HADH: variants seen among roughly 807,000 people sequenced by gnomAD.
The protein encoded by HADH is hydroxyacyl-coenzyme A dehydrogenase, mitochondrial.
HADH carries 24 observed loss-of-function variants against 32.2 expected under a neutral mutation model. The ratio of observed to expected loss-of-function variants is 0.75; its 90% CI spans 0.54 to 1.05. HADH has a LOEUF of 1.05. HADH is among the 50% of genes least tolerant of loss of function. The pLI, the probability that HADH is intolerant of heterozygous loss-of-function variation, is 0.00. For synonymous variants in HADH, 139 were observed against 152.5 expected, an observed-to-expected ratio of 0.91 and a Z score of 0.65; for missense variants, 350 against 397.1, an observed-to-expected ratio of 0.88 and a Z score of 1.01.
At chr4:108,019,493 AAAG>A in intron 3 of HADH, 44 bp from the exon 4 acceptor site, 1 of 1,584,434 alleles carries the variant, frequency 6.3e-7, no homozygotes, top group Non-Finnish European at 8.7e-7. Context: ...TGCTGTTTTG[AAAG>A]AAGAGATTCA....
At chr4:108,023,843 C>G (rs1735975606) in intron 5 of HADH, 3 of 387,952 alleles carry the variant, frequency 7.7e-6, no homozygotes, top group Non-Finnish European at 1.5e-5. Flanking sequence ...GCTCTCTGTC[C>G]TGGCTTTTGT....
chr4:108,029,409 A>G (rs2126238655), intron 6 of HADH: 1 of 152,762 alleles, frequency 6.5e-6, no homozygotes, highest in South Asian at 2.1e-4. Flanking sequence ...GTAGCAGAGT[A>G]ATTCACGCTA....
At chr4:108,031,387 A>G (rs2126240527) in intron 6 of HADH, 1 of 152,396 alleles carries the variant, frequency 6.6e-6, no homozygotes, top group South Asian at 2.1e-4. Flanking sequence ...AGCATATCCC[A>G]AGCCTGAGGA....
chr4:107,997,212 G>A (rs1734982081), intron 1 of HADH, among the ~76,000 whole-genome samples: 1 of 152,198 alleles, frequency 6.6e-6, no homozygotes, highest in Non-Finnish European at 1.5e-5. Flanking sequence ...CTGGGGATCT[G>A]AAGAAAGTCA....
At chr4:107,994,134 G>C (rs1017628778) in intron 1 of HADH, among the ~76,000 whole-genome samples, 3 of 152,106 alleles carry the variant, frequency 2.0e-5, no homozygotes, top group African/African-American at 7.2e-5. Context: ...CATGCTCTCC[G>C]GGTGCAACCT....
intron 1 of HADH, chr4:108,004,614 C>T (rs768465189): frequency 2.0e-6 from 3 of 1,480,132 alleles, no homozygotes; most frequent in Non-Finnish European, 2.7e-6. Context: ...AGATTTTATT[C>T]AGGAGGAGTA....
In HADH at chr4:108,020,510, C is replaced by CGA. The variant is rs549621971; in HGVS notation, c.546+844_546+845insGA. Among the ~76,000 whole-genome samples the CGA allele has an allele frequency of 7.2e-3, 1,102 of 152,230 alleles. 10 individuals carry two copies. Among genetic ancestry groups the CGA allele is most frequent in the Non-Finnish European group, 0.013 (912 of 68,000 alleles). On this transcript the variant is annotated intron_variant, in intron 4 of 7. Coordinates refer to ENST00000309522, the MANE Select transcript of HADH (RefSeq NM_005327.7). The stretch of plus-strand genomic sequence containing the variant: ...AAAAGTAAAAAAATAAAACCAGCTT[C>CGA]TGATAGCCTTGAGCCTCCTGACCAT...
chr4:108,001,108 A>T (rs115135211), intron 1 of HADH, among the ~76,000 whole-genome samples: 1,704 of 152,298 alleles, frequency 0.011, 17 homozygotes, highest in Non-Finnish European at 0.015. Flanking sequence ...CTTCATGGAG[A>T]GGGTAGCATT....
At chr4:108,003,105 CTT>C (rs11390276) in intron 1 of HADH, among the ~76,000 whole-genome samples, 9 of 124,180 alleles carry the variant, frequency 7.2e-5, no homozygotes, top group Admixed American at 1.7e-4. Flanking sequence ...GTGTCTTAGT[CTT>C]TTTTTTTTTT....
chr4:107,994,224 C>A (rs994947501), intron 1 of HADH, among the ~76,000 whole-genome samples: 11 of 151,984 alleles, frequency 7.2e-5, no homozygotes, highest in African/African-American at 2.7e-4. Context: ...TTCTTCTCTC[C>A]CAAAGCTTGC....
intron 6 of HADH, 61 bp from the exon 7 acceptor site, chr4:108,033,115 C>G (rs1736333358): frequency 1.2e-6 from 1 of 839,698 alleles, no homozygotes; most frequent in African/African-American, 1.7e-5. Context: ...GGGGCTAATC[C>G]TGTGATAGGG....
At chr4:108,021,932 C>T (rs957190628) in intron 4 of HADH, among the ~76,000 whole-genome samples, 13 of 152,106 alleles carry the variant, frequency 8.5e-5, no homozygotes, top group South Asian at 6.2e-4. Context: ...TGTGATCACA[C>T]GAAAACAGGA....
chr4:107,991,165 T>A (rs866420396), intron 1 of HADH, among the ~76,000 whole-genome samples: 8 of 152,292 alleles, frequency 5.3e-5, no homozygotes, highest in South Asian at 2.1e-4. Flanking sequence ...CTTTTTTTTT[T>A]TAAAAATTAT....
At chr4:107,996,887 C>T (rs1477562581) in intron 1 of HADH, among the ~76,000 whole-genome samples, 3 of 142,104 alleles carry the variant, frequency 2.1e-5, no homozygotes, top group African/African-American at 8.8e-5. Context: ...GAGCAAGACT[C>T]CTTCTCAAAA....
At chr4:107,994,159 T>C (rs1464724347) in intron 1 of HADH, among the ~76,000 whole-genome samples, 2 of 152,134 alleles carry the variant, frequency 1.3e-5, no homozygotes, top group Non-Finnish European at 2.9e-5. Context: ...TTTAGTGCAC[T>C]ACTCTTCTTT....
At chr4:108,009,613 A>T in intron 1 of HADH, 146 bp from the exon 2 acceptor site, 1 of 712,480 alleles carries the variant, frequency 1.4e-6, no homozygotes, top group Non-Finnish European at 2.5e-6. Flanking sequence ...ATGTTGACTT[A>T]TCATATGTTC....
intron 4 of HADH, among the ~76,000 whole-genome samples, chr4:108,022,994 CTT>C (rs11335135): frequency 1.8e-3 from 213 of 118,278 alleles, no homozygotes; most frequent in Middle Eastern, 4.5e-3. Flanking sequence ...ACACTGTTGT[CTT>C]TTTTTTTTTT....
intron 1 of HADH, 115 bp downstream of exon 1, chr4:107,990,179 C>T: frequency 9.5e-7 from 1 of 1,052,184 alleles, no homozygotes; most frequent in Non-Finnish European, 1.4e-6. Context: ...GGAGTTTTCA[C>T]CCCGCGCCTC....
chr4:107,998,835 C>T (rs896649894), intron 1 of HADH, among the ~76,000 whole-genome samples: 5 of 151,850 alleles, frequency 3.3e-5, no homozygotes, highest in African/African-American at 1.2e-4. Context: ...TTCATGGTTC[C>T]CGAAAGGTTG....
Sources: allele counts gnomAD v4.1 joint callset (sites outside exome capture counted in the v4.1 genomes callset), GRCh38; gene constraint gnomAD v4.1.1; transcripts MANE v1.5; gene names NCBI Gene and HGNC (gene_info 2026-07-23, HGNC 2026-07-21).